Variants in GRIP1 observed in about 807,000 individuals in gnomAD.
GRIP1 encodes glutamate receptor-interacting protein 1.
GRIP1 carries 45 observed loss-of-function variants against 129.9 expected under a neutral mutation model. The ratio of observed to expected loss-of-function variants is 0.35; its 90% CI spans 0.27 to 0.44. GRIP1 has a LOEUF of 0.44. GRIP1 is among the 20% of genes least tolerant of loss of function. GRIP1 has a pLI of 1.00. For missense variants in GRIP1, 1,196 were observed against 1,396.8 expected (o/e 0.86, Z 2.29); for synonymous variants, 530 against 520.8 (o/e 1.02, Z -0.24).
chr12:66,989,014 A>G (rs1260112732), intron 1 of GRIP1, among the ~76,000 whole-genome samples: 1 of 152,202 alleles, frequency 6.6e-6, no homozygotes, highest in Non-Finnish European at 1.5e-5. Context: ...AGCATTTACT[A>G]TAGAACAGTG....
chr12:66,525,340 GT>G (rs1346752697), intron 5 of GRIP1, among the ~76,000 whole-genome samples: 1 of 152,184 alleles, frequency 6.6e-6, no homozygotes, highest in Non-Finnish European at 1.5e-5. Flanking sequence ...CCATGATCAA[GT>G]GGGCTTCATC....
chr12:67,010,564 G>A (rs796739593), intron 1 of GRIP1, among the ~76,000 whole-genome samples: 23 of 152,272 alleles, frequency 1.5e-4, no homozygotes, highest in African/African-American at 5.5e-4. Flanking sequence ...TATACTTAGG[G>A]AGAGTGACAA....
intron 7 of GRIP1, among the ~76,000 whole-genome samples, chr12:66,500,330 C>A (rs1016731408): frequency 1.3e-5 from 2 of 152,114 alleles, no homozygotes; most frequent in East Asian, 1.9e-4. Context: ...GGACGAAAGT[C>A]ATGAAGAAAC....
intron 1 of GRIP1, among the ~76,000 whole-genome samples, chr12:66,814,051 G>T (rs1295597537): frequency 6.6e-6 from 1 of 151,798 alleles, no homozygotes; most frequent in African/African-American, 2.4e-5. Context: ...CAGGTTTAAG[G>T]GTTGTGCCTT....
chr12:66,593,254 TTTCAGGAAGAGGAAAGGAGGG>T (rs988829720), intron 2 of GRIP1, among the ~76,000 whole-genome samples: 3 of 152,214 alleles, frequency 2.0e-5, no homozygotes, highest in African/African-American at 7.2e-5. Context: ...CCATTTCCTT[TTTCAGGAAGAGGAAAGGAGGG>T]TGATAAAAGG....
intron 1 of GRIP1, among the ~76,000 whole-genome samples, chr12:66,692,810 A>G (rs1385338822): frequency 2.0e-5 from 3 of 152,170 alleles, no homozygotes; most frequent in Non-Finnish European, 4.4e-5. Context: ...CCTGGGTTTG[A>G]ATCTAGGAAA....
intron 1 of GRIP1, among the ~76,000 whole-genome samples, chr12:66,938,733 C>T (rs1416036685): frequency 2.6e-5 from 4 of 151,888 alleles, no homozygotes; most frequent in Non-Finnish European, 5.9e-5. Context: ...CCAAGGCGGG[C>T]AGATCACCAG....
intron 1 of GRIP1, among the ~76,000 whole-genome samples, chr12:66,862,720 C>G (rs2040133981): frequency 6.6e-6 from 1 of 151,986 alleles, no homozygotes; most frequent in Non-Finnish European, 1.5e-5. Flanking sequence ...CCCAACAGAG[C>G]TTTATCAACC....
At chr12:66,570,762 AT>A (rs536979690) in intron 2 of GRIP1, among the ~76,000 whole-genome samples, 1 of 151,914 alleles carries the variant, frequency 6.6e-6, no homozygotes, top group Non-Finnish European at 1.5e-5. Flanking sequence ...ATATTTTTGT[AT>A]TTTTTTTCTT....
chr12:66,768,117 A>C (rs1156344179), intron 1 of GRIP1, among the ~76,000 whole-genome samples: 2 of 152,164 alleles, frequency 1.3e-5, no homozygotes, highest in Non-Finnish European at 2.9e-5. Flanking sequence ...TAAATGCTCT[A>C]TTTGGTCTAC....
intron 2 of GRIP1, among the ~76,000 whole-genome samples, chr12:66,592,451 C>T (rs1013636879): frequency 1.6e-4 from 25 of 152,140 alleles, no homozygotes; most frequent in African/African-American, 4.8e-4. Flanking sequence ...CCCACACAAA[C>T]ATTCATGGCA....
At chr12:66,687,202 A>G (rs1448573129) in intron 1 of GRIP1, among the ~76,000 whole-genome samples, 1 of 152,238 alleles carries the variant, frequency 6.6e-6, no homozygotes, top group African/African-American at 2.4e-5. Context: ...ATATATTAAC[A>G]TAATTATCTT....
At chr12:66,699,278 T>G (rs2035269401) in intron 1 of GRIP1, among the ~76,000 whole-genome samples, 1 of 152,196 alleles carries the variant, frequency 6.6e-6, no homozygotes, top group Non-Finnish European at 1.5e-5. Flanking sequence ...GTTCAATAAC[T>G]AACATTTCTT....
At chr12:66,844,274 A>G (rs963343054) in intron 1 of GRIP1, among the ~76,000 whole-genome samples, 2 of 152,194 alleles carry the variant, frequency 1.3e-5, no homozygotes, top group African/African-American at 4.8e-5. Flanking sequence ...CCTGATTTTA[A>G]ATGGGCAAAA....
chr12:66,947,213 T>C (rs1166093396), intron 1 of GRIP1, among the ~76,000 whole-genome samples: 2 of 152,144 alleles, frequency 1.3e-5, no homozygotes, highest in African/African-American at 4.8e-5. Flanking sequence ...AGGTAGCAAA[T>C]ACTTTCACCT....
chr12:66,463,690 C>T (rs1390008302), intron 8 of GRIP1, among the ~76,000 whole-genome samples: 2 of 151,964 alleles, frequency 1.3e-5, no homozygotes, highest in Non-Finnish European at 2.9e-5. Context: ...ATGCAGGAGT[C>T]AAGTGAGTAA....
At chr12:66,843,614 G>A (rs2039760694) in intron 1 of GRIP1, among the ~76,000 whole-genome samples, 2 of 151,974 alleles carry the variant, frequency 1.3e-5, no homozygotes, top group African/African-American at 4.8e-5. Context: ...AGACACAGAG[G>A]CCAATAAAAC....
At position 66,441,311 on chromosome 12, in the gene GRIP1, C is replaced by T. The variant is rs539937294; in HGVS notation, c.1687+3273G>A. Among the ~76,000 whole-genome samples, 13 of 152,332 alleles carry T rather than the reference C, an allele frequency of 8.5e-5. No individual in the cohort carries two copies. The East Asian group carries it at 1.9e-3, about 23-fold the overall frequency. On this transcript the variant is annotated intron_variant, in intron 13 of 24. Transcript: ENST00000359742. ...TCCGTTTCTCAAGGTACACCTTCAT[C>T]GCCTTTGCTCACACTTTTTTCCCTT... is the stretch of plus-strand genomic sequence containing the variant.
chr12:66,919,466 G>C (rs777525802), intron 1 of GRIP1, among the ~76,000 whole-genome samples: 1 of 152,122 alleles, frequency 6.6e-6, no homozygotes, highest in Non-Finnish European at 1.5e-5. Flanking sequence ...AGCAGTGCTG[G>C]GGAAAAATTG....
Sources: gnomAD v4.1 joint callset for allele counts (sites outside exome capture counted in the v4.1 genomes callset) on GRCh38, gnomAD v4.1.1 for gene constraint, MANE v1.5 for transcripts, NCBI Gene and HGNC (gene_info 2026-07-23, HGNC 2026-07-21) for gene names.